Variants in AMBRA1 observed in about 807,000 individuals in gnomAD.
AMBRA1 encodes autophagy and beclin 1 regulator 1, also known as activating molecule in BECN1-regulated autophagy protein 1.
In AMBRA1, 47 loss-of-function variants were observed where a neutral mutation model predicts 125.4. The ratio of observed to expected loss-of-function variants is 0.37; its 90% CI spans 0.30 to 0.48. AMBRA1 has a LOEUF of 0.48. Among genes scored for constraint, AMBRA1 ranks in the 20% least tolerant of loss-of-function variants. The probability of loss-of-function intolerance (pLI) is 0.99; values close to 1 mark genes in which losing one functional copy is unlikely to be tolerated. For synonymous variants in AMBRA1, 626 were observed against 655.5 expected, an observed-to-expected ratio of 0.95 and a Z score of 0.69; for missense variants, 1,331 against 1,693.4, an observed-to-expected ratio of 0.79 and a Z score of 3.76.
intron 11 of AMBRA1, among the ~76,000 whole-genome samples, chr11:46,444,361 T>A (rs1438547656): frequency 6.6e-6 from 1 of 152,232 alleles, no homozygotes; most frequent in East Asian, 1.9e-4. Context: ...TGACATTTTT[T>A]TCCTTGGTAA....
At position 46,433,645 on chromosome 11, in the gene AMBRA1, C is replaced by T. The variant is rs1156484307; in HGVS notation, c.2822-17G>A. On this transcript the variant is annotated splice_polypyrimidine_tract_variant and intron_variant, in intron 13 of 17. Coordinates refer to ENST00000683756, the MANE Select transcript of AMBRA1 (RefSeq NM_001387011.1). ...CATTGGGACCTGAGGGCCAACAAAA[C>T]AGAGAAATATTTCCTAGGCTTCTGG... is the stretch of plus-strand genomic sequence containing the variant. The T allele has an allele frequency of 3.1e-6, 5 of 1,608,020 alleles. No homozygotes were observed. Among genetic ancestry groups the T allele is most frequent in the Middle Eastern group, 1.6e-4 (1 of 6,062 alleles).
At position 46,492,829 on chromosome 11, in the gene AMBRA1, C is replaced by T. The variant is rs190333225; in HGVS notation, c.2521+779G>A. On this transcript the variant is annotated intron_variant, in intron 11 of 17. Transcript: ENST00000683756. The stretch of plus-strand genomic sequence containing the variant: ...CTTCGGGAGGCTGAGGCAGGCAGAT[C>T]ACGAAGTGAGGAGATTGAGATCATC... 2.6e-3 allele frequency among the ~76,000 whole-genome samples: 402 copies of T among 152,312 alleles called. 3 individuals are homozygous for T. The highest frequency in any genetic ancestry group is 4.1e-3 in the Non-Finnish European group (276 of 68,026).
chr11:46,434,749 A>G, intron 13 of AMBRA1, 100 bp downstream of exon 13: 1 of 1,270,320 alleles, frequency 7.9e-7, no homozygotes. Context: ...TAGGGGCAGT[A>G]TGTGACCATT....
chr11:46,421,402 G>A (rs1043375273), intron 14 of AMBRA1, among the ~76,000 whole-genome samples: 1 of 152,188 alleles, frequency 6.6e-6, no homozygotes, highest in Non-Finnish European at 1.5e-5. Flanking sequence ...AGAAAATGCC[G>A]CACAAAGATC....
In AMBRA1 at chr11:46,562,656, T is replaced by C. The variant is rs1258450099; in HGVS notation, c.-120-14156A>G. ...CTACTATATGTGTTATGTTTGCGGGTGGGGGAGCAGATTAAAGGGATAAAT... is the reference window on the plus strand; with the variant it reads ...CTACTATATGTGTTATGTTTGCGGGCGGGGGAGCAGATTAAAGGGATAAAT... On this transcript the variant is annotated intron_variant, in intron 1 of 17. Coordinates refer to ENST00000683756, the MANE Select transcript of AMBRA1 (RefSeq NM_001387011.1). 2.0e-5 allele frequency among the ~76,000 whole-genome samples: 3 copies of C among 152,160 alleles called. No homozygotes were observed. The East Asian group carries it at 5.8e-4, about 29-fold the overall frequency.
intron 14 of AMBRA1, among the ~76,000 whole-genome samples, chr11:46,432,951 C>G (rs1380383473): frequency 6.6e-6 from 1 of 152,302 alleles, no homozygotes; most frequent in African/African-American, 2.4e-5. Flanking sequence ...ATAAGAGAGA[C>G]GTGCCTTAGA....
chr11:46,397,723 G>C lies in AMBRA1; in HGVS notation c.3624C>G (p.Pro1208=). ...PGAAHTSSPQ[P]STSRGLLPEA... ...CTGGGAGCAGTCCCCGAGAGGTGGAGGGCTGGGGTGAGGAGGTGTGGGCGG... is the reference window on the plus strand; with the variant it reads ...CTGGGAGCAGTCCCCGAGAGGTGGACGGCTGGGGTGAGGAGGTGTGGGCGG... The change falls in exon 18 of 18, where the codon CCC becomes CCG. Residue 1208 remains proline (P), a synonymous_variant. Transcript: ENST00000683756. 6.2e-7 allele frequency: 1 copy of C among 1,613,204 alleles called. No individual in the cohort carries two copies. The highest frequency in any genetic ancestry group is 1.1e-5 in the South Asian group (1 of 91,062).
intron 7 of AMBRA1, among the ~76,000 whole-genome samples, chr11:46,540,803 G>A (rs1414891253): frequency 1.3e-5 from 2 of 152,054 alleles, no homozygotes; most frequent in Admixed American, 6.6e-5. Flanking sequence ...GAAAAATTTC[G>A]TTGTCTTGCC....
intron 11 of AMBRA1, among the ~76,000 whole-genome samples, chr11:46,456,696 G>A (rs192004419): frequency 3.3e-5 from 5 of 152,300 alleles, no homozygotes; most frequent in South Asian, 2.1e-4. Context: ...TCTTTGGCTC[G>A]TCAGCAGCAG....
chr11:46,503,293 A>G (rs755985471), intron 9 of AMBRA1, among the ~76,000 whole-genome samples: 1 of 152,112 alleles, frequency 6.6e-6, no homozygotes, highest in Non-Finnish European at 1.5e-5. Context: ...ATTGCTGTGT[A>G]TCAGGGAATA....
chr11:46,532,936 A>C (rs568004461), intron 7 of AMBRA1, among the ~76,000 whole-genome samples: 1 of 152,310 alleles, frequency 6.6e-6, no homozygotes, highest in Non-Finnish European at 1.5e-5. Context: ...AAGTACACAA[A>C]GATCCTGCAA....
At chr11:46,429,786 C>G (rs932315261) in intron 14 of AMBRA1, among the ~76,000 whole-genome samples, 1 of 152,044 alleles carries the variant, frequency 6.6e-6, no homozygotes, top group Non-Finnish European at 1.5e-5. Flanking sequence ...AAAATGAAAG[C>G]CGAGAGGGAA....
intron 14 of AMBRA1, among the ~76,000 whole-genome samples, chr11:46,418,320 ATATATAAATATGTATTTTATTATT>A (rs1946660854): frequency 3.3e-4 from 1 of 3,044 alleles, no homozygotes. Context: ...TTTATTATTT[ATATATAAATATGTATTTTATTATT>A]TATATAAATA....
chr11:46,581,264 G>A (rs2044158397), intron 1 of AMBRA1, among the ~76,000 whole-genome samples: 1 of 151,844 alleles, frequency 6.6e-6, no homozygotes, highest in South Asian at 2.1e-4. Context: ...CCTGAGGTCA[G>A]AAGTTCAAGA....
At chr11:46,572,955 G>C (rs953940304) in intron 1 of AMBRA1, among the ~76,000 whole-genome samples, 3 of 151,878 alleles carry the variant, frequency 2.0e-5, no homozygotes, top group African/African-American at 7.3e-5. Flanking sequence ...GCCGGGTGTG[G>C]TGGTGGACGC....
At chr11:46,508,117 T>C (rs1467576572) in intron 9 of AMBRA1, 74 bp downstream of exon 9, 1 of 1,505,714 alleles carries the variant, frequency 6.6e-7, no homozygotes, top group Non-Finnish European at 9.2e-7. Flanking sequence ...CCATTGTAGC[T>C]CCAACAGTGG....
chr11:46,430,785 G>A (rs917162968), intron 14 of AMBRA1, among the ~76,000 whole-genome samples: 1 of 152,170 alleles, frequency 6.6e-6, no homozygotes, highest in Non-Finnish European at 1.5e-5. Flanking sequence ...CCAGACAGAA[G>A]GGGAATTCTG....
At chr11:46,466,142 T>G (rs58314136) in intron 11 of AMBRA1, among the ~76,000 whole-genome samples, 1,922 of 152,290 alleles carry the variant, frequency 0.013, 51 homozygotes, top group African/African-American at 0.044. Context: ...TTCTTGCTTG[T>G]TTGGAGCCTA....
At chr11:46,445,543 G>A (rs751840450) in intron 11 of AMBRA1, among the ~76,000 whole-genome samples, 2 of 152,084 alleles carry the variant, frequency 1.3e-5, no homozygotes, top group African/African-American at 2.4e-5. Flanking sequence ...ATACCTGAAC[G>A]ACTTTATTAA....
Sources: allele counts gnomAD v4.1 joint callset (sites outside exome capture counted in the v4.1 genomes callset), GRCh38; gene constraint gnomAD v4.1.1; transcripts MANE v1.5; gene names NCBI Gene and HGNC (gene_info 2026-07-23, HGNC 2026-07-21).